TTC29: variants seen among roughly 807,000 people sequenced by gnomAD.
The protein encoded by TTC29 is tetratricopeptide repeat domain 29.
In TTC29, 49 loss-of-function variants were observed where a neutral mutation model predicts 58.1. That is an observed-to-expected ratio of 0.84 (90% CI 0.67 to 1.07). The LOEUF is 1.07. Ranked by LOEUF, TTC29 falls within the 50% of genes least tolerant of loss-of-function variation. TTC29 has a pLI of 0.00. For synonymous variants in TTC29, 209 were observed against 196.8 expected, an observed-to-expected ratio of 1.06 and a Z score of -0.52; for missense variants, 582 against 555.6, an observed-to-expected ratio of 1.05 and a Z score of -0.48.
intron 9 of TTC29, among the ~76,000 whole-genome samples, chr4:146,822,187 T>C (rs1751892492): frequency 6.6e-6 from 1 of 151,020 alleles, no homozygotes; most frequent in African/African-American, 2.4e-5. Flanking sequence ...ACCTGGGCCA[T>C]GGTGGTTTGC....
intron 7 of TTC29, among the ~76,000 whole-genome samples, chr4:146,868,014 A>G (rs1202876717): frequency 2.0e-5 from 3 of 152,154 alleles, no homozygotes; most frequent in African/African-American, 4.8e-5. Context: ...ATGGATAACA[A>G]CCTTAAATGG....
intron 5 of TTC29, among the ~76,000 whole-genome samples, 200 bp downstream of exon 5, chr4:146,908,826 C>T (rs1049181893): frequency 6.6e-6 from 1 of 152,190 alleles, no homozygotes; most frequent in Non-Finnish European, 1.5e-5. Flanking sequence ...AAGGACATCA[C>T]CAGAATGCCC....
chr4:146,903,579 G>A lies in TTC29; in HGVS notation c.551C>T (p.Ala184Val), dbSNP rs377740137. ...KIDCGKKEAE[A>V]HMHMGLLYEE... The stretch of plus-strand genomic sequence containing the variant: ...GTAGAGAAGACCCATATGCATGTGT[G>A]CCTCGGCTTCTTTCTTCCCACAGTC... Residue 184 changes from alanine (A) to valine (V), a missense_variant, in exon 6 of 13, where the codon GCA (alanine) becomes GTA (valine). Physicochemically the swap from Ala to Val is moderately conservative, Grantham distance 64 (BLOSUM62 0). Transcript: ENST00000325106. 2.7e-5 allele frequency: 44 copies of A among 1,611,960 alleles called. No individual in the cohort carries two copies. The African/African-American group carries it at 5.5e-4, about 20-fold the overall frequency.
intron 11 of TTC29, among the ~76,000 whole-genome samples, chr4:146,757,964 C>A (rs1746582389): frequency 6.6e-6 from 1 of 151,864 alleles, no homozygotes; most frequent in South Asian, 2.1e-4. Flanking sequence ...CAACAAAGAG[C>A]ACAATGAATG....
At chr4:146,927,107 CACTT>C (rs1734995377) in intron 4 of TTC29, among the ~76,000 whole-genome samples, 2 of 144,864 alleles carry the variant, frequency 1.4e-5, no homozygotes, top group South Asian at 2.3e-4. Flanking sequence ...AAAAAAAAGA[CACTT>C]ACATTGCAGT....
At chr4:146,757,907 A>C (rs1376679850) in intron 11 of TTC29, among the ~76,000 whole-genome samples, 1 of 148,276 alleles carries the variant, frequency 6.7e-6, no homozygotes, top group Non-Finnish European at 1.5e-5. Flanking sequence ...ATACAGGTTA[A>C]AAAGCGAAAA....
At chr4:146,883,374 C>A (rs1050543937) in intron 6 of TTC29, among the ~76,000 whole-genome samples, 8 of 150,486 alleles carry the variant, frequency 5.3e-5, no homozygotes, top group Non-Finnish European at 1.0e-4. Context: ...TAACTTTTCA[C>A]GTGGAGTTAT....
intron 11 of TTC29, 66 bp downstream of exon 11, chr4:146,803,391 A>G: frequency 8.6e-7 from 1 of 1,157,000 alleles, no homozygotes; most frequent in Non-Finnish European, 1.2e-6. Context: ...GAAACTTTCC[A>G]ATGAAAGTAA....
intron 11 of TTC29, among the ~76,000 whole-genome samples, chr4:146,755,257 T>G (rs958881113): frequency 2.0e-5 from 3 of 152,132 alleles, no homozygotes; most frequent in African/African-American, 7.2e-5. Flanking sequence ...CCTGTCCTCA[T>G]AGATCAGAAG....
chr4:146,719,455 C>T (rs1743196751), intron 11 of TTC29, among the ~76,000 whole-genome samples: 1 of 152,124 alleles, frequency 6.6e-6, no homozygotes, highest in African/African-American at 2.4e-5. Context: ...AGCTTCTGTG[C>T]TCATTCTCAC....
chr4:146,915,594 G>C (rs1176560054), intron 4 of TTC29, among the ~76,000 whole-genome samples: 1 of 151,930 alleles, frequency 6.6e-6, no homozygotes, highest in African/African-American at 2.4e-5. Context: ...ATATAAAAAA[G>C]ATGAATAGAT....
At chr4:146,810,588 C>CTTTTT (rs398051307) in intron 10 of TTC29, among the ~76,000 whole-genome samples, 48 of 96,266 alleles carry the variant, frequency 5.0e-4, no homozygotes, top group African/African-American at 7.2e-4. Context: ...TACATACCTT[C>CTTTTT]TTTTTTTTTT....
chr4:146,782,117 A>G (rs544800686), intron 11 of TTC29, among the ~76,000 whole-genome samples: 2 of 151,874 alleles, frequency 1.3e-5, no homozygotes, highest in East Asian at 3.9e-4. Context: ...TACAAATTCT[A>G]TCTTTATTTT....
intron 6 of TTC29, among the ~76,000 whole-genome samples, chr4:146,900,284 G>A (rs899415385): frequency 6.6e-6 from 1 of 152,168 alleles, no homozygotes; most frequent in Non-Finnish European, 1.5e-5. Flanking sequence ...ATTTTAGACT[G>A]ACAAAAGTAG....
At chr4:146,840,824 T>G (rs1391398379) in intron 8 of TTC29, among the ~76,000 whole-genome samples, 1 of 152,086 alleles carries the variant, frequency 6.6e-6, no homozygotes, top group Non-Finnish European at 1.5e-5. Flanking sequence ...AAAGGAATAA[T>G]AGAATTGGGG....
At chr4:146,783,801 A>T (rs1748800062) in intron 11 of TTC29, among the ~76,000 whole-genome samples, 1 of 152,058 alleles carries the variant, frequency 6.6e-6, no homozygotes, top group Non-Finnish European at 1.5e-5. Context: ...GTTAAACAGT[A>T]CCATTTTTTA....
intron 6 of TTC29, among the ~76,000 whole-genome samples, chr4:146,881,058 T>G (rs1439777168): frequency 6.6e-6 from 1 of 152,092 alleles, no homozygotes; most frequent in Non-Finnish European, 1.5e-5. Flanking sequence ...TAAAATAATA[T>G]CTCATAAATA....
chr4:146,863,461 G>A (rs2150203154), intron 8 of TTC29, among the ~76,000 whole-genome samples: 1 of 152,176 alleles, frequency 6.6e-6, no homozygotes, highest in Admixed American at 6.5e-5. Context: ...CAAATTTATA[G>A]AATGTATTAT....
chr4:146,707,211 T>C, intron 12 of TTC29, 23 bp from the exon 13 acceptor site: 1 of 1,440,682 alleles, frequency 6.9e-7, no homozygotes, highest in East Asian at 2.5e-5. Flanking sequence ...AAATTATAAA[T>C]TTAACTTTTA....
Sources: gnomAD v4.1 joint callset for allele counts (sites outside exome capture counted in the v4.1 genomes callset) on GRCh38, gnomAD v4.1.1 for gene constraint, MANE v1.5 for transcripts, NCBI Gene and HGNC (gene_info 2026-07-23, HGNC 2026-07-21) for gene names.